The following SLC36A1 variants were observed in gnomAD, a reference collection of about 807,000 sequenced individuals.
SLC36A1 encodes proton-coupled amino acid transporter 1.
SLC36A1 carries 30 observed loss-of-function variants against 47.5 expected under a neutral mutation model. The ratio of observed to expected loss-of-function variants is 0.63; its 90% CI spans 0.47 to 0.86. SLC36A1 has a LOEUF of 0.86. Among genes scored for constraint, SLC36A1 ranks in the 40% least tolerant of loss-of-function variants. The pLI is 0.00. For missense variants in SLC36A1, 517 were observed against 606.0 expected (o/e 0.85, Z 1.54); for synonymous variants, 255 against 249.7 (o/e 1.02, Z -0.20).
chr5:151,401,428 C>A, the SLC36A1 span, among the ~76,000 whole-genome samples: 11 of 152,234 alleles, frequency 7.2e-5, no homozygotes, highest in South Asian at 2.1e-4. Context: ...GTTACTGTAA[C>A]CTTGTAGTGT....
the SLC36A1 span, among the ~76,000 whole-genome samples, chr5:151,417,389 T>G: frequency 1.3e-5 from 2 of 152,150 alleles, no homozygotes; most frequent in Admixed American, 1.3e-4. Flanking sequence ...TTGTTGGGAA[T>G]TGGGACACAG....
the SLC36A1 span, among the ~76,000 whole-genome samples, chr5:151,537,115 A>G: frequency 2.0e-5 from 3 of 152,100 alleles, no homozygotes; most frequent in Admixed American, 6.6e-5. Context: ...TCTGCTGTCA[A>G]ATATTCCCAT....
chr5:151,465,026 T>C, intron 4 of SLC36A1, 48 bp from the exon 5 acceptor site: 1 of 1,446,558 alleles, frequency 6.9e-7, no homozygotes, highest in East Asian at 2.3e-5. Flanking sequence ...TCATTGTCAT[T>C]GTCTAATCCA....
the SLC36A1 span, among the ~76,000 whole-genome samples, chr5:151,385,330 G>C: frequency 6.6e-6 from 1 of 152,172 alleles, no homozygotes; most frequent in Admixed American, 6.6e-5. Context: ...CCCCTGCTCA[G>C]TCACTCACTT....
the SLC36A1 span, among the ~76,000 whole-genome samples, chr5:151,534,856 T>G: frequency 6.6e-6 from 1 of 151,610 alleles, no homozygotes; most frequent in African/African-American, 2.4e-5. Flanking sequence ...CATTGCCAGT[T>G]TAAGATCATC....
At chr5:151,452,096 G>T (rs775532787) in intron 1 of SLC36A1, among the ~76,000 whole-genome samples, 4 of 152,304 alleles carry the variant, frequency 2.6e-5, no homozygotes, top group Admixed American at 2.0e-4. Flanking sequence ...AAAAGTGTGC[G>T]TGTTTGCCTG....
the SLC36A1 span, chr5:151,549,280 G>A: frequency 1.2e-6 from 2 of 1,610,968 alleles, no homozygotes; most frequent in East Asian, 2.2e-5. Context: ...CTGAGCTCAT[G>A]GCCAGGCCTC....
the SLC36A1 span, chr5:151,545,388 A>G: frequency 1.2e-6 from 2 of 1,614,188 alleles, no homozygotes; most frequent in Non-Finnish European, 1.7e-6. Context: ...TAACAGCTTC[A>G]TCAGCATTGC....
the SLC36A1 span, among the ~76,000 whole-genome samples, chr5:151,357,836 C>T: frequency 6.6e-6 from 1 of 152,186 alleles, no homozygotes; most frequent in Non-Finnish European, 1.5e-5. Context: ...CTGGTATTCT[C>T]CACGATTAAA....
chr5:151,523,578 A>C, the SLC36A1 span, among the ~76,000 whole-genome samples: 1 of 152,154 alleles, frequency 6.6e-6, no homozygotes, highest in Non-Finnish European at 1.5e-5. Flanking sequence ...GTACGGGACC[A>C]ATGCAATTGA....
the SLC36A1 span, chr5:151,511,972 G>A: frequency 8.4e-6 from 5 of 598,612 alleles, no homozygotes; most frequent in Non-Finnish European, 1.5e-5. Flanking sequence ...GATAGTTTTT[G>A]TTGAGAGGGA....
At chr5:151,551,604 C>T in the SLC36A1 span, 1 of 1,614,128 alleles carries the variant, frequency 6.2e-7, no homozygotes, top group South Asian at 1.1e-5. Flanking sequence ...TCCTTATCCC[C>T]ACCTAGAGTG....
chr5:151,528,255 A>C, the SLC36A1 span: 12 of 1,201,600 alleles, frequency 1.0e-5, no homozygotes, highest in Non-Finnish European at 1.4e-5. Flanking sequence ...CCTGGATCAC[A>C]GTTGTCCCTG....
the SLC36A1 span, among the ~76,000 whole-genome samples, chr5:151,526,280 T>G: frequency 6.6e-6 from 1 of 152,242 alleles, no homozygotes; most frequent in African/African-American, 2.4e-5. Context: ...GATCACACAC[T>G]GCTGAATCAT....
At chr5:151,499,846 C>G in the SLC36A1 span, among the ~76,000 whole-genome samples, 18 of 152,342 alleles carry the variant, frequency 1.2e-4, no homozygotes, top group East Asian at 3.5e-3. Context: ...GCGTTTCCTT[C>G]TCCAATAGCA....
chr5:151,528,137 C>A, the SLC36A1 span: 1 of 1,613,458 alleles, frequency 6.2e-7, no homozygotes, highest in Non-Finnish European at 8.5e-7. Context: ...CTGATACCTG[C>A]GGTGGGGTAG....
the SLC36A1 span, among the ~76,000 whole-genome samples, chr5:151,367,771 A>G: frequency 6.6e-6 from 1 of 152,180 alleles, no homozygotes; most frequent in Non-Finnish European, 1.5e-5. Context: ...AGTTGTCCCA[A>G]TTTATGTTCC....
intron 1 of SLC36A1, chr5:151,450,784 C>T (rs1163922432): frequency 6.6e-6 from 1 of 152,272 alleles, no homozygotes; most frequent in African/African-American, 2.4e-5. Context: ...AGTGAATAGT[C>T]TTCTGTTTCT....
the SLC36A1 span, chr5:151,517,522 T>C: frequency 6.9e-7 from 1 of 1,439,418 alleles, no homozygotes; most frequent in Non-Finnish European, 9.6e-7. Context: ...AGGGATTTCT[T>C]TGGCAGAAAT....
Sources: gnomAD v4.1 joint callset for allele counts (sites outside exome capture counted in the v4.1 genomes callset) on GRCh38, gnomAD v4.1.1 for gene constraint, MANE v1.5 for transcripts, NCBI Gene and HGNC (gene_info 2026-07-23, HGNC 2026-07-21) for gene names.